CRB1: variants seen among roughly 807,000 people sequenced by gnomAD.
CRB1 encodes the protein protein crumbs homolog 1.
CRB1 carries 83 observed loss-of-function variants against 120.0 expected under a neutral mutation model. The ratio of observed to expected loss-of-function variants is 0.69; its 90% CI spans 0.58 to 0.83. The LOEUF (loss-of-function observed/expected upper bound fraction) is 0.83, where lower values mean the gene tolerates loss of function less well. CRB1 is among the 40% of genes least tolerant of loss of function. The probability of loss-of-function intolerance (pLI) is 0.00; values close to 1 mark genes in which losing one functional copy is unlikely to be tolerated. For missense variants in CRB1, 1,699 were observed against 1,687.6 expected (o/e 1.01, Z -0.12); for synonymous variants, 625 against 612.5 (o/e 1.02, Z -0.30).
chr1:197,439,111 T>A (rs1020703352), intron 10 of CRB1: 2 of 173,994 alleles, frequency 1.1e-5, no homozygotes, highest in Non-Finnish European at 2.5e-5. Context: ...GAGAAACTCT[T>A]CAACTGTTCT....
chr1:197,426,304 G>A (rs1399396842), intron 6 of CRB1, among the ~76,000 whole-genome samples: 1 of 151,878 alleles, frequency 6.6e-6, no homozygotes, highest in African/African-American at 2.4e-5. Context: ...GTATAACTTT[G>A]GGCTTTTGCT....
At chr1:197,388,527 C>G (rs1662335090) in intron 5 of CRB1, among the ~76,000 whole-genome samples, 1 of 152,052 alleles carries the variant, frequency 6.6e-6, no homozygotes, top group South Asian at 2.1e-4. Context: ...ATTTAAATCT[C>G]TATTTCTCCT....
At position 197,434,746 on chromosome 1, in the gene CRB1, A is replaced by G; in HGVS notation, c.2883A>G (p.Ile961Met). ...TTTTTAATGGACAAAGCGGTCAAAT[A>G]TTATTCAGAAGCAATGGGAATATTA... Reference protein sequence around the residue: ...NAVFNGQSGQILFRSNGNITR... With the variant: ...NAVFNGQSGQMLFRSNGNITR... The change falls in exon 9 of 12, where the codon ATA (isoleucine) becomes ATG (methionine). Residue 961 changes from isoleucine (I) to methionine (M), a missense_variant. Coordinates refer to ENST00000367400, the MANE Select transcript of CRB1 (RefSeq NM_201253.3). The G allele has an allele frequency of 2.5e-6, 4 of 1,613,658 alleles. No homozygotes were observed. Among genetic ancestry groups the G allele is most frequent in the Non-Finnish European group, 3.4e-6 (4 of 1,179,678 alleles).
At chr1:197,247,702 A>T in the CRB1 span, among the ~76,000 whole-genome samples, 1 of 152,094 alleles carries the variant, frequency 6.6e-6, no homozygotes, top group East Asian at 1.9e-4. Context: ...ATTCATCAAA[A>T]GTAAGCAGAA....
chr1:197,366,633 A>G (rs1661091063), intron 5 of CRB1, among the ~76,000 whole-genome samples: 1 of 152,230 alleles, frequency 6.6e-6, no homozygotes, highest in Non-Finnish European at 1.5e-5. Flanking sequence ...TAGAGAGAGC[A>G]TGAGACCATG....
intron 5 of CRB1, chr1:197,358,161 T>C (rs1271303442): frequency 6.6e-6 from 1 of 152,250 alleles, no homozygotes; most frequent in African/African-American, 2.4e-5. Context: ...TTTGTGTATT[T>C]ACCTCACCTC....
At chr1:197,476,401 C>CGT (rs1331268884) in intron 11 of CRB1, among the ~76,000 whole-genome samples, 3 of 148,138 alleles carry the variant, frequency 2.0e-5, no homozygotes, top group Non-Finnish European at 3.0e-5. Context: ...TGTGTGTGCG[C>CGT]GTCTTCCTCT....
At chr1:197,445,756 A>C (rs1299951585) in intron 11 of CRB1, among the ~76,000 whole-genome samples, 8 of 152,166 alleles carry the variant, frequency 5.3e-5, no homozygotes, top group African/African-American at 1.9e-4. Flanking sequence ...AATATAAACT[A>C]TTTTACTTCT....
chr1:197,474,837 A>C (rs1667132175), intron 11 of CRB1, among the ~76,000 whole-genome samples: 1 of 152,086 alleles, frequency 6.6e-6, no homozygotes, highest in Non-Finnish European at 1.5e-5. Flanking sequence ...TAAGAACAAG[A>C]GTGTGCATTT....
At chr1:197,350,956 G>C (rs1027769512) in intron 4 of CRB1, among the ~76,000 whole-genome samples, 9 of 152,108 alleles carry the variant, frequency 5.9e-5, no homozygotes, top group African/African-American at 2.2e-4. Flanking sequence ...TCAAAATTAG[G>C]AAGTTGTGTA....
chr1:197,415,044 G>A (rs2125456822), intron 5 of CRB1, among the ~76,000 whole-genome samples: 1 of 151,884 alleles, frequency 6.6e-6, no homozygotes, highest in East Asian at 1.9e-4. Flanking sequence ...TTGCTTTTCT[G>A]TTTATATTTA....
At chr1:197,225,863 T>G in the CRB1 span, among the ~76,000 whole-genome samples, 1 of 152,212 alleles carries the variant, frequency 6.6e-6, no homozygotes, top group Non-Finnish European at 1.5e-5. Flanking sequence ...TTGTCTATCT[T>G]TTGAGCCTCG....
intron 11 of CRB1, among the ~76,000 whole-genome samples, chr1:197,452,438 T>C (rs142148023): frequency 5.6e-4 from 85 of 152,316 alleles, no homozygotes; most frequent in African/African-American, 8.9e-4. Context: ...TATATAGGCC[T>C]AGGATCTTAG....
At chr1:197,315,492 G>A (rs1327164397) in intron 1 of CRB1, among the ~76,000 whole-genome samples, 1 of 152,118 alleles carries the variant, frequency 6.6e-6, no homozygotes. Context: ...ATAAACAGAT[G>A]GAAAGCAAAA....
At chr1:197,244,721 C>T in the CRB1 span, among the ~76,000 whole-genome samples, 1 of 151,870 alleles carries the variant, frequency 6.6e-6, no homozygotes, top group Non-Finnish European at 1.5e-5. Context: ...TGTGATGCTT[C>T]CAGCCATTAT....
intron 5 of CRB1, among the ~76,000 whole-genome samples, chr1:197,395,400 A>G (rs975185656): frequency 1.3e-5 from 2 of 152,104 alleles, no homozygotes; most frequent in African/African-American, 4.8e-5. Flanking sequence ...AAATGTTCCC[A>G]CCTTAGGTGC....
At chr1:197,263,891 A>T (rs1654573011), upstream of CRB1, among the ~76,000 whole-genome samples, 1 of 152,054 alleles carries the variant, frequency 6.6e-6, no homozygotes, top group African/African-American at 2.4e-5. Context: ...TTTAGAATTT[A>T]TGTTCAGTTT....
intron 2 of CRB1, among the ~76,000 whole-genome samples, chr1:197,338,890 T>C (rs1659301453): frequency 6.6e-6 from 1 of 152,212 alleles, no homozygotes. Context: ...AAAAATTATT[T>C]GGTTAAGTTG....
At chr1:197,461,204 T>A (rs1167098406) in intron 11 of CRB1, among the ~76,000 whole-genome samples, 1 of 152,148 alleles carries the variant, frequency 6.6e-6, no homozygotes, top group Non-Finnish European at 1.5e-5. Context: ...TTTGCAGAAC[T>A]CTAAGTAATG....
Sources: allele counts gnomAD v4.1 joint callset (sites outside exome capture counted in the v4.1 genomes callset), GRCh38; gene constraint gnomAD v4.1.1; transcripts MANE v1.5; gene names NCBI Gene and HGNC (gene_info 2026-07-23, HGNC 2026-07-21).